Variants in GPC3 observed in about 807,000 individuals in gnomAD.
The protein encoded by GPC3 is glypican 3.
In GPC3, 3 loss-of-function variants were observed where a neutral mutation model predicts 34.4. That is an observed-to-expected ratio of 0.09 (90% CI 0.04 to 0.23). The LOEUF (loss-of-function observed/expected upper bound fraction) is 0.23, where lower values mean the gene tolerates loss of function less well. Among genes scored for constraint, GPC3 ranks in the 10% least tolerant of loss-of-function variants. The probability of loss-of-function intolerance (pLI) is 1.00; values close to 1 mark genes in which losing one functional copy is unlikely to be tolerated. For missense variants in GPC3, 351 were observed against 445.6 expected, an observed-to-expected ratio of 0.79 and a Z score of 1.91; for synonymous variants, 177 against 174.0, an observed-to-expected ratio of 1.02 and a Z score of -0.13.
chrX:133,774,293 GT>G (rs2071953158), intron 2 of GPC3, among the ~76,000 whole-genome samples: 1 of 111,681 alleles, frequency 9.0e-6, no homozygotes, highest in South Asian at 3.8e-4. Flanking sequence ...ATTTGATAAT[GT>G]TCCAGATTGA....
At chrX:133,842,329 T>C (rs1236810715) in intron 2 of GPC3, among the ~76,000 whole-genome samples, 1 of 106,329 alleles carries the variant, frequency 9.4e-6, no homozygotes, top group Non-Finnish European at 1.9e-5. Flanking sequence ...AAAAAAATAA[T>C]AATAATAATT....
intron 6 of GPC3, among the ~76,000 whole-genome samples, chrX:133,601,805 T>C (rs1436404061): frequency 8.9e-6 from 1 of 111,805 alleles, no homozygotes; most frequent in African/African-American, 3.2e-5. Context: ...TAAACTCTTA[T>C]ACATGTTGAT....
intron 2 of GPC3, among the ~76,000 whole-genome samples, chrX:133,928,766 AT>A (rs2076285650): frequency 8.9e-6 from 1 of 111,765 alleles, no homozygotes; most frequent in African/African-American, 3.3e-5. Flanking sequence ...TCCTTTGCCC[AT>A]TTTTAAATCA....
intron 2 of GPC3, among the ~76,000 whole-genome samples, chrX:133,933,820 C>T (rs907942814): frequency 9.2e-6 from 1 of 108,897 alleles, no homozygotes; most frequent in Non-Finnish European, 1.9e-5. Context: ...GCTTCCTGTA[C>T]AGTCTGCATA....
intron 2 of GPC3, among the ~76,000 whole-genome samples, chrX:133,916,122 G>A (rs1467989994): frequency 9.7e-6 from 1 of 103,497 alleles, no homozygotes; most frequent in Non-Finnish European, 2.0e-5. Flanking sequence ...CCCAGCCTGG[G>A]TGGCAAAGTG....
intron 2 of GPC3, among the ~76,000 whole-genome samples, chrX:133,818,161 G>A (rs775824225): frequency 2.3e-4 from 26 of 111,145 alleles, no homozygotes; most frequent in Non-Finnish European, 4.3e-4. Context: ...CACTAGCAAG[G>A]AAGAAAAATT....
At chrX:133,835,633 T>C (rs1288819541) in intron 2 of GPC3, among the ~76,000 whole-genome samples, 4 of 112,144 alleles carry the variant, frequency 3.6e-5, no homozygotes, top group Non-Finnish European at 7.5e-5. Flanking sequence ...TATAGTAAGA[T>C]GCGCATGCTA....
chrX:133,538,909 C>T (rs1285981494), intron 7 of GPC3, among the ~76,000 whole-genome samples: 2 of 95,476 alleles, frequency 2.1e-5, no homozygotes, highest in Non-Finnish European at 4.1e-5. Flanking sequence ...TTTCTAGAGA[C>T]GGGGTTTTGC....
chrX:133,654,441 G>T lies in GPC3; in HGVS notation c.1413+7289C>A, dbSNP rs185487516. ...TATTAAAAAATATCAGCCAGGCACGGTGGCTCACACCTGTAATCCCAGCAC... is the reference window on the plus strand; with the variant it reads ...TATTAAAAAATATCAGCCAGGCACGTTGGCTCACACCTGTAATCCCAGCAC... On this transcript the variant is annotated intron_variant, in intron 6 of 7. Transcript: ENST00000370818. Among the ~76,000 whole-genome samples, 211 of 111,918 alleles carry T rather than the reference G, an allele frequency of 1.9e-3. 1 individual carries two copies. The highest frequency in any genetic ancestry group is 6.6e-3 in the African/African-American group (202 of 30,730).
chrX:133,896,823 T>G (rs1603267821), intron 2 of GPC3, among the ~76,000 whole-genome samples: 1 of 111,058 alleles, frequency 9.0e-6, no homozygotes, highest in African/African-American at 3.3e-5. Context: ...GGAGCTCTGT[T>G]CATAGAGAAC....
At chrX:133,765,215 T>C (rs772707138) in intron 2 of GPC3, among the ~76,000 whole-genome samples, 4 of 112,199 alleles carry the variant, frequency 3.6e-5, no homozygotes, top group Non-Finnish European at 7.5e-5. Context: ...AAGACTGGAT[T>C]ATATCTTAGC....
intron 7 of GPC3, among the ~76,000 whole-genome samples, chrX:133,590,455 CAGAA>C (rs1158051438): frequency 2.7e-5 from 3 of 110,863 alleles, no homozygotes; most frequent in Non-Finnish European, 3.8e-5. Context: ...ATTCAACAAT[CAGAA>C]AGAAGAAGAC....
chrX:133,921,325 A>G (rs961200069), intron 2 of GPC3, among the ~76,000 whole-genome samples: 3 of 111,537 alleles, frequency 2.7e-5, no homozygotes, highest in African/African-American at 9.8e-5. Flanking sequence ...CAGCACCGGT[A>G]GCCACTCCAC....
chrX:133,891,673 C>T (rs1475976593), intron 2 of GPC3, among the ~76,000 whole-genome samples: 1 of 106,783 alleles, frequency 9.4e-6, no homozygotes. Flanking sequence ...GTCGTGCATG[C>T]CTGCAGTTCT....
Position 133,702,985 on chromosome X carries a change from C to T in GPC3, c.1033-2957G>A, listed in dbSNP as rs1013560667. On this transcript the variant is annotated intron_variant, in intron 3 of 7. Coordinates refer to ENST00000370818, the MANE Select transcript of GPC3 (RefSeq NM_004484.4). ...TTATGAGCTTATTTTGAGAAGTGGA[C>T]ACTAAAAGAAAACATAACTTACAAA... Among the ~76,000 whole-genome samples the T allele has an allele frequency of 5.3e-5, 6 of 112,239 alleles. 2 individuals carry two copies. In the Admixed American group the frequency reaches 5.7e-4, roughly 11 times the overall value.
intron 2 of GPC3, among the ~76,000 whole-genome samples, chrX:133,876,524 A>G (rs2076017823): frequency 8.9e-6 from 1 of 112,387 alleles, no homozygotes; most frequent in Non-Finnish European, 1.9e-5. Flanking sequence ...AGGGCAAAAC[A>G]ATGTTATCAC....
In GPC3 at chrX:133,763,025, T is replaced by C. The variant is rs757601357; in HGVS notation, c.338-8849A>G. 7.8e-5 allele frequency: 57 copies of C among 727,736 alleles called. No homozygotes were observed. The East Asian group carries it at 1.7e-3, about 22-fold the overall frequency. The allele number at this position is 727,736 out of a possible 1,213,427, so 60.0% of individuals were successfully genotyped here. A position where few individuals can be genotyped will look rare whatever the true frequency, so the allele number is the denominator to read the frequency against. On this transcript the variant is annotated intron_variant, in intron 2 of 7. Coordinates refer to ENST00000370818, the MANE Select transcript of GPC3 (RefSeq NM_004484.4). ...GAAAACCCTGCTGATGTCAGTGTCA[T>C]ATCCTCCAGGAATACTGGCCAGAGG...
chrX:133,541,375 A>C (rs750182189), intron 7 of GPC3, among the ~76,000 whole-genome samples: 1 of 111,940 alleles, frequency 8.9e-6, no homozygotes, highest in South Asian at 3.8e-4. Context: ...AATCATTCAT[A>C]TCTTTATGTT....
At chrX:133,659,524 T>C (rs759345749) in intron 6 of GPC3, among the ~76,000 whole-genome samples, 22 of 111,612 alleles carry the variant, frequency 2.0e-4, no homozygotes, top group Non-Finnish European at 3.2e-4. Flanking sequence ...AGCCTAATCA[T>C]ACCACCCAAA....
Sources: allele counts gnomAD v4.1 joint callset (sites outside exome capture counted in the v4.1 genomes callset), GRCh38; gene constraint gnomAD v4.1.1; transcripts MANE v1.5; gene names NCBI Gene and HGNC (gene_info 2026-07-23, HGNC 2026-07-21).